Variants in NKX2-2 observed in about 807,000 individuals in gnomAD.
NKX2-2 encodes homeobox protein Nkx-2.2.
NKX2-2 carries 8 observed loss-of-function variants against 24.6 expected under a neutral mutation model. That is an observed-to-expected ratio of 0.32 (90% confidence interval 0.19 to 0.59). The LOEUF (loss-of-function observed/expected upper bound fraction) is 0.59, where lower values mean the gene tolerates loss of function less well. Ranked by LOEUF, NKX2-2 falls within the 20% of genes least tolerant of loss-of-function variation. The probability of loss-of-function intolerance (pLI) is 0.86; values close to 1 mark genes in which losing one functional copy is unlikely to be tolerated. For synonymous variants in NKX2-2, 217 were observed against 173.3 expected, an observed-to-expected ratio of 1.25 and a Z score of -1.98; for missense variants, 381 against 373.9, an observed-to-expected ratio of 1.02 and a Z score of -0.16.
Position 21,511,594 on chromosome 20 carries a change from A to T in NKX2-2, c.*329T>A. 4.2e-6 allele frequency: 1 copy of T among 235,352 alleles called. No individual in the cohort carries two copies. The highest frequency in any genetic ancestry group is 8.1e-6 in the Non-Finnish European group (1 of 123,424). 14.6% of individuals were successfully genotyped at this position (235,352 alleles called of 1,614,324 possible). A position where few individuals can be genotyped will look rare whatever the true frequency, so the allele number is the denominator to read the frequency against. Reference sequence around the variant, plus strand: ...TCGGTCTTTTTCTCGTTTTCAAGTGACGACATTAACGCTGGGACGGTTTGG... The same window carrying T: ...TCGGTCTTTTTCTCGTTTTCAAGTGTCGACATTAACGCTGGGACGGTTTGG... On this transcript the variant is annotated 3_prime_UTR_variant, in exon 2 of 2. Coordinates refer to ENST00000377142, the MANE Select transcript of NKX2-2 (RefSeq NM_002509.4).
At chr20:21,518,317 C>T (rs1290631480), upstream of NKX2-2, among the ~76,000 whole-genome samples, 1 of 152,176 alleles carries the variant, frequency 6.6e-6, no homozygotes, top group Admixed American at 6.5e-5. Context: ...CTCCAGATTC[C>T]GTACACATCT....
At chr20:21,520,719 C>A in the NKX2-2 span, among the ~76,000 whole-genome samples, 3 of 152,120 alleles carry the variant, frequency 2.0e-5, no homozygotes, top group African/African-American at 4.8e-5. Flanking sequence ...ATTGGGGAAC[C>A]AAACGCCACG....
Position 21,511,351 on chromosome 20 carries a change from A to T in NKX2-2, c.*572T>A, listed in dbSNP as rs1344486403. The T allele has an allele frequency of 6.6e-6, 1 of 152,604 alleles. No homozygotes were observed. Among genetic ancestry groups the T allele is most frequent in the Non-Finnish European group, 1.5e-5 (1 of 68,036 alleles). The allele number at this position is 152,604 out of a possible 1,614,324, so 9.5% of individuals were successfully genotyped here. On this transcript the variant is annotated 3_prime_UTR_variant, in exon 2 of 2. Coordinates refer to ENST00000377142, the MANE Select transcript of NKX2-2 (RefSeq NM_002509.4). Reference sequence around the variant, plus strand: ...CGGTCCTGAAGGTCATTTTGGCAACAATCACCACCGATATTTACAACGAAA... The same window carrying T: ...CGGTCCTGAAGGTCATTTTGGCAACTATCACCACCGATATTTACAACGAAA...
rs1485531440 is a variant in NKX2-2, at chr20:21,512,485, A to G, written c.260T>C (p.Leu87Pro). The G allele has an allele frequency of 2.6e-6, 4 of 1,560,916 alleles. No individual in the cohort carries two copies. Among genetic ancestry groups the G allele is most frequent in the Non-Finnish European group, 2.6e-6 (3 of 1,162,322 alleles). Residue 87 changes from leucine to proline, a missense_variant and splice_region_variant, in exon 2 of 2, where the codon CTG becomes CCG. Around this residue, in one of 3 missense-constraint regions of NKX2-2, gnomAD observed 206 missense variants for 173.1 expected, o/e 1.19. Transcript: ENST00000377142. ...GGGCGCCCCGGCAGCCAGACCGTGCACTGGGGGGAGGGGGAGAGAGAAGCG... is the reference window on the plus strand; with the variant it reads ...GGGCGCCCCGGCAGCCAGACCGTGCGCTGGGGGGAGGGGGAGAGAGAAGCG... ...LASTEGLQYSLHGLAAGAPPQ... is the reference protein window; with the variant it reads ...LASTEGLQYSPHGLAAGAPPQ...
At chr20:21,521,709 G>A in the NKX2-2 span, among the ~76,000 whole-genome samples, 1 of 152,194 alleles carries the variant, frequency 6.6e-6, no homozygotes, top group Non-Finnish European at 1.5e-5. Flanking sequence ...GGTGGAGGTG[G>A]GTGCAGCGGC....
chr20:21,518,758 A>G (rs539275453), upstream of NKX2-2, among the ~76,000 whole-genome samples: 1 of 152,280 alleles, frequency 6.6e-6, no homozygotes, highest in Admixed American at 6.5e-5. Context: ...GGTGCGCTCT[A>G]AACAACAGCA....
chr20:21,512,591 G>C lies in NKX2-2; in HGVS notation c.260-106C>G, dbSNP rs1041117677. On this transcript the variant is annotated intron_variant, in intron 1 of 1. Coordinates refer to ENST00000377142, the MANE Select transcript of NKX2-2 (RefSeq NM_002509.4). ...CCTCCGTGCGACCCTGGACCTCCGC[G>C]CCTGGCAGCCCAGCCCCGCTGCCTT... The C allele has an allele frequency of 5.9e-5, 50 of 853,848 alleles. No homozygotes were observed. In the East Asian group the frequency reaches 1.2e-3, roughly 21 times the overall value. The allele number at this position is 853,848 out of a possible 1,614,324, so 52.9% of individuals were successfully genotyped here.
chr20:21,519,152 G>A, the NKX2-2 span, among the ~76,000 whole-genome samples: 1 of 152,150 alleles, frequency 6.6e-6, no homozygotes, highest in Admixed American at 6.5e-5. Flanking sequence ...AACACACAAG[G>A]TCTTTTCCCT....
chr20:21,512,160 C>G lies in NKX2-2; in HGVS notation c.585G>C (p.Thr195=). The part of the protein sequence containing the change: ...RARAEKGMEV[T]PLPSPRRVAV... ...CCACCCGGCGCGGCGAGGGCAGGGGCGTCACCTCCATACCTTTCTCGGCCC... is the reference window on the plus strand; with the variant it reads ...CCACCCGGCGCGGCGAGGGCAGGGGGGTCACCTCCATACCTTTCTCGGCCC... Residue 195 remains threonine, a synonymous_variant, in exon 2 of 2, where the codon ACG becomes ACC. Coordinates refer to ENST00000377142, the MANE Select transcript of NKX2-2 (RefSeq NM_002509.4). 1 of 1,613,814 alleles carries G rather than the reference C, an allele frequency of 6.2e-7. No individual in the cohort carries two copies. The highest frequency in any genetic ancestry group is 8.5e-7 in the Non-Finnish European group (1 of 1,179,926).
rs772389661 is a variant in NKX2-2, at chr20:21,511,993, T to C, written c.752A>G (p.Tyr251Cys). 1.9e-6 allele frequency: 3 copies of C among 1,613,000 alleles called. No individual in the cohort carries two copies. Among genetic ancestry groups the C allele is most frequent in the African/African-American group, 1.3e-5 (1 of 74,912 alleles). ...GTACTGGGGGGTGCTGGCCGAGCTGTACTGGGCGTTGTACTGCATGTGCTG... is the reference window on the plus strand; with the variant it reads ...GTACTGGGGGGTGCTGGCCGAGCTGCACTGGGCGTTGTACTGCATGTGCTG... ...SLQHMQYNAQYSSASTPQYPT... is the reference protein window; with the variant it reads ...SLQHMQYNAQCSSASTPQYPT... The change falls in exon 2 of 2, where the codon TAC becomes TGC. Residue 251 changes from tyrosine to cysteine, a missense_variant. Coordinates refer to ENST00000377142, the MANE Select transcript of NKX2-2 (RefSeq NM_002509.4).
At chr20:21,518,091 G>T (rs769915153), upstream of NKX2-2, among the ~76,000 whole-genome samples, 5 of 152,288 alleles carry the variant, frequency 3.3e-5, no homozygotes, top group Non-Finnish European at 4.4e-5. Context: ...CAGCTGCCGT[G>T]GTCTGGAGAC....
upstream of NKX2-2, among the ~76,000 whole-genome samples, chr20:21,514,399 C>G (rs886502372): frequency 1.3e-5 from 2 of 150,690 alleles, no homozygotes; most frequent in African/African-American, 2.4e-5. Context: ...ACGGGGCGAG[C>G]CTTTTTTTTT....
In NKX2-2 at chr20:21,513,388, G is replaced by A. The variant is rs1980512455; in HGVS notation, c.259+23C>T. On this transcript the variant is annotated intron_variant, in intron 1 of 1. Transcript: ENST00000377142. The surrounding 1 kb of genome is among the most constrained non-coding windows in gnomAD (Gnocchi z 4.6). ...CAGGAATGGAGGGGACCACGGCCTCGGCAGCCAAGTTTTGCTACTTACGGG... is the reference window on the plus strand; with the variant it reads ...CAGGAATGGAGGGGACCACGGCCTCAGCAGCCAAGTTTTGCTACTTACGGG... The A allele has an allele frequency of 2.0e-6, 3 of 1,506,588 alleles. No individual in the cohort carries two copies. The highest frequency in any genetic ancestry group is 2.7e-6 in the Non-Finnish European group (3 of 1,126,246). The allele number at this position is 1,506,588 out of a possible 1,614,324, so 93.3% of individuals were successfully genotyped here.
At chr20:21,518,557 A>T (rs995279166), upstream of NKX2-2, among the ~76,000 whole-genome samples, 2 of 152,176 alleles carry the variant, frequency 1.3e-5, no homozygotes, top group Non-Finnish European at 2.9e-5. Flanking sequence ...AGGCGAATGT[A>T]CACAGGCTAA....
rs762885737 is a variant in NKX2-2 at position 21,512,172 on chromosome 20, A to G, written c.573T>C (p.Gly191=). Residue 191 remains glycine (G), a synonymous_variant, in exon 2 of 2, where the codon GGT becomes GGC. Coordinates refer to ENST00000377142, the MANE Select transcript of NKX2-2 (RefSeq NM_002509.4). Reference sequence around the variant, plus strand: ...GCGAGGGCAGGGGCGTCACCTCCATACCTTTCTCGGCCCGGGCGCGCTTCA... The same window carrying G: ...GCGAGGGCAGGGGCGTCACCTCCATGCCTTTCTCGGCCCGGGCGCGCTTCA... ...YKMKRARAEK[G]MEVTPLPSPR... is the part of the protein sequence containing the mutation. The G allele has an allele frequency of 3.1e-6, 5 of 1,613,600 alleles. No homozygotes were observed. The South Asian group carries it at 3.3e-5, about 11-fold the overall frequency.
chr20:21,512,181 G>C lies in NKX2-2; in HGVS notation c.564C>G (p.Ala188=). 2 of 1,613,914 alleles carry C rather than the reference G, an allele frequency of 1.2e-6. No individual in the cohort carries two copies. Among genetic ancestry groups the C allele is most frequent in the Non-Finnish European group, 1.7e-6 (2 of 1,179,922 alleles). The change falls in exon 2 of 2, where the codon GCC becomes GCG. Residue 188 remains alanine, a synonymous_variant. Coordinates refer to ENST00000377142, the MANE Select transcript of NKX2-2 (RefSeq NM_002509.4). ...NHRYKMKRAR[A]EKGMEVTPLP... ...GGGGCGTCACCTCCATACCTTTCTC[G>C]GCCCGGGCGCGCTTCATCTTGTAGC...
intron 1 of NKX2-2, 28 bp from the exon 2 acceptor site, chr20:21,512,513 TC>T: frequency 6.7e-7 from 1 of 1,498,298 alleles, no homozygotes; most frequent in Non-Finnish European, 8.9e-7. Context: ...GAGAAGCGCG[TC>T]AGGCGTCTGG....
At position 21,511,850 on chromosome 20, in the gene NKX2-2, C is replaced by A; in HGVS notation, c.*73G>T. The stretch of plus-strand genomic sequence containing the variant: ...TAATAATAATAACCACCATAAGGAC[C>A]GAGGCCTCCTCGCCGCCACCGCCGC... On this transcript the variant is annotated 3_prime_UTR_variant, in exon 2 of 2. Transcript: ENST00000377142. 1.7e-6 allele frequency: 2 copies of A among 1,143,132 alleles called. No individual in the cohort carries two copies. Among genetic ancestry groups the A allele is most frequent in the African/African-American group, 1.5e-5 (1 of 64,752 alleles). 70.8% of individuals were successfully genotyped at this position (1,143,132 alleles called of 1,614,324 possible).
chr20:21,515,482 A>T (rs1239548618), upstream of NKX2-2, among the ~76,000 whole-genome samples: 6 of 152,070 alleles, frequency 3.9e-5, no homozygotes, highest in Non-Finnish European at 7.3e-5. Context: ...TGAAGTTTCC[A>T]GCCACTCTCG....
Sources: allele counts gnomAD v4.1 joint callset (sites outside exome capture counted in the v4.1 genomes callset), GRCh38; gene constraint gnomAD v4.1.1; regional missense constraint gnomAD v4.1.1; non-coding constraint Gnocchi (gnomAD v3.1); transcripts MANE v1.5; gene names NCBI Gene and HGNC (gene_info 2026-07-23, HGNC 2026-07-21).